STK32B: variants seen among roughly 807,000 people sequenced by gnomAD.
STK32B encodes the protein serine/threonine-protein kinase 32B.
Under a neutral mutation model 52.6 loss-of-function variants are expected in STK32B, and 43 were observed. The observed-to-expected ratio is 0.82, with a 90% CI of 0.64 to 1.05. STK32B has a LOEUF of 1.05. Among genes scored for constraint, STK32B ranks in the 50% least tolerant of loss-of-function variants. The pLI, the probability that STK32B is intolerant of heterozygous loss-of-function variation, is 0.00. For synonymous variants in STK32B, 238 were observed against 204.3 expected (o/e 1.17, Z -1.41); for missense variants, 621 against 534.6 (o/e 1.16, Z -1.59).
chr4:5,111,813 T>G (rs1354257258), intron 1 of STK32B, among the ~76,000 whole-genome samples: 1 of 152,006 alleles, frequency 6.6e-6, no homozygotes, highest in Non-Finnish European at 1.5e-5. Context: ...TCAGTTTGGG[T>G]TTCCTTACAA....
chr4:5,228,814 A>G (rs1447978179), intron 3 of STK32B, among the ~76,000 whole-genome samples: 1 of 152,144 alleles, frequency 6.6e-6, no homozygotes, highest in Non-Finnish European at 1.5e-5. Context: ...TAAATATACA[A>G]AAATTAGATG....
chr4:5,468,343 G>C (rs939662569), intron 11 of STK32B, among the ~76,000 whole-genome samples: 8 of 152,326 alleles, frequency 5.3e-5, no homozygotes, highest in East Asian at 1.9e-4. Flanking sequence ...GGGCACACAG[G>C]AACACAGGCG....
At chr4:5,391,772 C>G (rs1475286827) in intron 4 of STK32B, among the ~76,000 whole-genome samples, 9 of 152,214 alleles carry the variant, frequency 5.9e-5, no homozygotes. Flanking sequence ...AACTGTGCTT[C>G]CATCTAAAAT....
intron 11 of STK32B, among the ~76,000 whole-genome samples, chr4:5,474,173 A>G (rs1484581833): frequency 6.6e-6 from 1 of 152,184 alleles, no homozygotes; most frequent in African/African-American, 2.4e-5. Flanking sequence ...GCCTCCCTGG[A>G]GAACTCTGGC....
chr4:5,492,384 A>G (rs74482769), intron 11 of STK32B, among the ~76,000 whole-genome samples: 223 of 152,204 alleles, frequency 1.5e-3, no homozygotes, highest in Non-Finnish European at 2.3e-3. Flanking sequence ...TTTGTCTGGT[A>G]TTGGTGTATA....
intron 3 of STK32B, among the ~76,000 whole-genome samples, chr4:5,258,579 A>G (rs1023355883): frequency 1.3e-5 from 2 of 152,224 alleles, no homozygotes; most frequent in African/African-American, 4.8e-5. Context: ...TCAGTGATCC[A>G]TGATTATCCT....
chr4:5,405,613 C>G (rs952621964), intron 5 of STK32B, among the ~76,000 whole-genome samples: 2 of 152,062 alleles, frequency 1.3e-5, no homozygotes, highest in African/African-American at 4.8e-5. Context: ...CTGGGGAGGC[C>G]TCAGGAAAGT....
At chr4:5,057,626 A>G (rs1318132239) in intron 1 of STK32B, among the ~76,000 whole-genome samples, 2 of 152,176 alleles carry the variant, frequency 1.3e-5, no homozygotes, top group African/African-American at 2.4e-5. Flanking sequence ...GGATAGAGGG[A>G]GGATTTATGT....
intron 3 of STK32B, among the ~76,000 whole-genome samples, chr4:5,210,088 C>A (rs1722815413): frequency 6.6e-6 from 1 of 152,230 alleles, no homozygotes; most frequent in South Asian, 2.1e-4. Context: ...ATGTCAAACA[C>A]ACACCCACAG....
At chr4:5,249,984 A>G (rs533561847) in intron 3 of STK32B, among the ~76,000 whole-genome samples, 4 of 152,178 alleles carry the variant, frequency 2.6e-5, no homozygotes, top group Admixed American at 1.3e-4. Context: ...TTTAGCTCCT[A>G]CTTATCAGTG....
rs1723064080 is a variant in STK32B at position 5,214,264 on chromosome 4, T to C, written c.260+45814T>C. 2 of 152,350 alleles carry C rather than the reference T, an allele frequency of 1.3e-5. 1 individual carries two copies. Among genetic ancestry groups the C allele is most frequent in the Non-Finnish European group, 2.9e-5 (2 of 68,186 alleles). 9.4% of individuals were successfully genotyped at this position (152,350 alleles called of 1,614,324 possible). A position where few individuals can be genotyped will look rare whatever the true frequency, so the allele number is the denominator to read the frequency against. On this transcript the variant is annotated intron_variant, in intron 3 of 11. Coordinates refer to ENST00000282908, the MANE Select transcript of STK32B (RefSeq NM_018401.3). ...TCTCTCCCCTGCTGCCATGTGTAAA[T>C]GCGTTTACTTCTCCTTTGCCTTCCG...
intron 6 of STK32B, 63 bp from the exon 7 acceptor site, chr4:5,446,610 C>A (rs1298687827): frequency 1.4e-6 from 2 of 1,385,446 alleles, no homozygotes; most frequent in Admixed American, 1.7e-5. Context: ...TGTCCCCTCT[C>A]TAAGGGGTGG....
At chr4:5,064,261 A>AT (rs1742323580) in intron 1 of STK32B, among the ~76,000 whole-genome samples, 3 of 121,450 alleles carry the variant, frequency 2.5e-5, no homozygotes, top group African/African-American at 7.8e-5. Flanking sequence ...AATATATAAA[A>AT]ACATATATGA....
intron 2 of STK32B, among the ~76,000 whole-genome samples, chr4:5,163,277 C>CT: frequency 6.6e-6 from 1 of 152,290 alleles, no homozygotes; most frequent in Non-Finnish European, 1.5e-5. Flanking sequence ...GGCAAGGCCT[C>CT]TGTCTGCAGG....
intron 1 of STK32B, among the ~76,000 whole-genome samples, chr4:5,118,347 A>C (rs374233767): frequency 3.7e-4 from 57 of 152,292 alleles, no homozygotes; most frequent in African/African-American, 1.3e-3. Context: ...ACTGGCATGT[A>C]AGTGTTCATA....
chr4:5,253,199 A>G (rs753877762), intron 3 of STK32B, among the ~76,000 whole-genome samples: 2 of 152,020 alleles, frequency 1.3e-5, no homozygotes, highest in African/African-American at 4.8e-5. Context: ...TAGAGCTTAC[A>G]TTGCTCCCTC....
At chr4:5,463,652 C>A (rs1333259832) in intron 9 of STK32B, among the ~76,000 whole-genome samples, 1 of 152,094 alleles carries the variant, frequency 6.6e-6, no homozygotes, top group African/African-American at 2.4e-5. Context: ...CATACAAACA[C>A]ACACACACAC....
At chr4:5,361,994 TCAC>T (rs1734577256) in intron 4 of STK32B, among the ~76,000 whole-genome samples, 1 of 152,250 alleles carries the variant, frequency 6.6e-6, no homozygotes, top group African/African-American at 2.4e-5. Context: ...CTTCCTTTTT[TCAC>T]CACCATGAAA....
rs975612714 is a variant in STK32B, at chr4:5,453,624, C to G, written c.667-3183C>G. 6.6e-6 allele frequency among the ~76,000 whole-genome samples: 1 copy of G among 152,150 alleles called. No individual in the cohort carries two copies. The highest frequency in any genetic ancestry group is 2.4e-5 in the African/African-American group (1 of 41,432). On this transcript the variant is annotated intron_variant, in intron 7 of 11. Transcript: ENST00000282908. The surrounding 1 kb of genome is among the most constrained non-coding windows in gnomAD (Gnocchi z 4.0). ...AGCAATTATAAATAGTCCAAAACGG[C>G]TGGGTGCAGTGGCTTACGTCTGTAA...
Sources: gnomAD v4.1 joint callset for allele counts (sites outside exome capture counted in the v4.1 genomes callset) on GRCh38, gnomAD v4.1.1 for gene constraint, Gnocchi (gnomAD v3.1) non-coding constraint, MANE v1.5 for transcripts, NCBI Gene and HGNC (gene_info 2026-07-23, HGNC 2026-07-21) for gene names.